CLASP1: variants seen among roughly 807,000 people sequenced by gnomAD.
The protein encoded by CLASP1 is cytoplasmic linker associated protein 1.
A neutral mutation model predicts 192.3 loss-of-function variants in CLASP1; 38 were observed. The ratio of observed to expected loss-of-function variants is 0.20; its 90% CI spans 0.15 to 0.26. CLASP1 has a LOEUF of 0.26. Among genes scored for constraint, CLASP1 ranks in the 10% least tolerant of loss-of-function variants. CLASP1 has a pLI of 1.00. For synonymous variants in CLASP1, 691 were observed against 712.8 expected (o/e 0.97, Z 0.49); for missense variants, 1,433 against 1,932.5 (o/e 0.74, Z 4.85).
exon 17 of CLASP1, chr2:121,449,063 G>A (rs776808017): frequency 6.2e-7 from 1 of 1,613,954 alleles, no homozygotes; most frequent in Non-Finnish European, 8.5e-7. Flanking sequence ...AGGACTCCAA[G>A]GTGTGGTACA....
intron 14 of CLASP1, among the ~76,000 whole-genome samples, chr2:121,455,071 G>T (rs777027849): frequency 2.0e-5 from 3 of 152,110 alleles, no homozygotes; most frequent in Non-Finnish European, 4.4e-5. Context: ...CTCATCTCTA[G>T]GGGAAGCTAA....
rs544562324 is a variant in CLASP1 at position 121,425,072 on chromosome 2, C to A, written c.2212+67G>T. 68 of 1,426,380 alleles carry A rather than the reference C, an allele frequency of 4.8e-5. 1 individual carries two copies. In the African/African-American group the frequency reaches 9.2e-4, roughly 19 times the overall value. 88.4% of individuals were successfully genotyped at this position (1,426,380 alleles called of 1,614,324 possible). A position where few individuals can be genotyped will look rare whatever the true frequency, so the allele number is the denominator to read the frequency against. On this transcript the variant is annotated intron_variant, in intron 22 of 39. Coordinates refer to ENST00000263710, the Ensembl canonical transcript of CLASP1. ...CTATATTTCCTACATTAGACATAGTCATTAGATTATAATCAAAACTATGAC... is the reference window on the plus strand; with the variant it reads ...CTATATTTCCTACATTAGACATAGTAATTAGATTATAATCAAAACTATGAC...
chr2:121,497,054 A>C (rs527712268), intron 8 of CLASP1, among the ~76,000 whole-genome samples: 2 of 152,114 alleles, frequency 1.3e-5, no homozygotes, highest in Admixed American at 6.5e-5. Flanking sequence ...TTAGACTGGT[A>C]GTTACCAAAG....
At chr2:121,514,875 T>A (rs1231137583) in intron 7 of CLASP1, among the ~76,000 whole-genome samples, 1 of 152,332 alleles carries the variant, frequency 6.6e-6, no homozygotes, top group Non-Finnish European at 1.5e-5. Flanking sequence ...TCTCTCTTAG[T>A]AGCTGTGTAA....
At chr2:121,444,582 T>C (rs1482927039) in intron 19 of CLASP1, among the ~76,000 whole-genome samples, 1 of 152,080 alleles carries the variant, frequency 6.6e-6, no homozygotes, top group Non-Finnish European at 1.5e-5. Context: ...AAACAAAAGC[T>C]AAGGTAGTGC....
chr2:121,394,608 G>A (rs564307090), intron 30 of CLASP1, among the ~76,000 whole-genome samples: 11 of 152,292 alleles, frequency 7.2e-5, no homozygotes, highest in Non-Finnish European at 1.2e-4. Flanking sequence ...TTGGCTGGGC[G>A]CAGTGGCTCA....
At position 121,425,365 on chromosome 2, in the gene CLASP1, T is replaced by C; in HGVS notation, c.2045-59A>G. The C allele has an allele frequency of 2.0e-6, 3 of 1,467,138 alleles. No individual in the cohort carries two copies. The South Asian group carries it at 3.9e-5, about 19-fold the overall frequency. 90.9% of individuals were successfully genotyped at this position (1,467,138 alleles called of 1,614,324 possible). ...ATGTAAATGTAGGAATGAACTATAATACTTTCAAAAGCCAGATTTTACACA... is the reference window on the plus strand; with the variant it reads ...ATGTAAATGTAGGAATGAACTATAACACTTTCAAAAGCCAGATTTTACACA... On this transcript the variant is annotated intron_variant, in intron 21 of 39. Coordinates refer to ENST00000263710, the Ensembl canonical transcript of CLASP1.
At chr2:121,514,449 T>C (rs781179004) in intron 7 of CLASP1, among the ~76,000 whole-genome samples, 1 of 151,960 alleles carries the variant, frequency 6.6e-6, no homozygotes, top group Non-Finnish European at 1.5e-5. Flanking sequence ...TTTCCTCCTG[T>C]GTTCTCACCA....
chr2:121,440,055 C>T (rs551815869), intron 19 of CLASP1, among the ~76,000 whole-genome samples: 2 of 139,960 alleles, frequency 1.4e-5, no homozygotes, highest in African/African-American at 2.7e-5. Flanking sequence ...GCACAATGTG[C>T]ACATGTACCC....
At chr2:121,516,134 T>A (rs1207120795) in intron 6 of CLASP1, among the ~76,000 whole-genome samples, 1 of 152,208 alleles carries the variant, frequency 6.6e-6, no homozygotes, top group Non-Finnish European at 1.5e-5. Context: ...TAAAACACTC[T>A]GGATTTAAGT....
chr2:121,509,497 T>C (rs1480660068), intron 7 of CLASP1, among the ~76,000 whole-genome samples: 1 of 152,134 alleles, frequency 6.6e-6, no homozygotes, highest in African/African-American at 2.4e-5. Context: ...CAAGTGTACA[T>C]GGAACATTAT....
intron 33 of CLASP1, among the ~76,000 whole-genome samples, chr2:121,379,664 G>C (rs1464445394): frequency 6.6e-6 from 1 of 152,084 alleles, no homozygotes; most frequent in Admixed American, 6.5e-5. Context: ...CCAAAAAACT[G>C]AAAGAATGAT....
chr2:121,418,553 C>A, intron 23 of CLASP1, 69 bp downstream of exon 23: 1 of 1,074,616 alleles, frequency 9.3e-7, no homozygotes. Context: ...GGTCATTCCG[C>A]CTAGCAGTGT....
intron 2 of CLASP1, among the ~76,000 whole-genome samples, chr2:121,551,319 C>G (rs986704805): frequency 2.0e-5 from 3 of 152,176 alleles, no homozygotes; most frequent in Non-Finnish European, 4.4e-5. Context: ...CTTACCACTC[C>G]TATTCAACAT....
intron 8 of CLASP1, among the ~76,000 whole-genome samples, chr2:121,474,481 A>C (rs567336142): frequency 6.6e-6 from 1 of 152,332 alleles, no homozygotes; most frequent in East Asian, 1.9e-4. Flanking sequence ...TCACGCCTGT[A>C]ATCCCAGCAC....
intron 3 of CLASP1, among the ~76,000 whole-genome samples, chr2:121,529,703 TTACTA>T (rs2094702728): frequency 6.6e-6 from 1 of 152,168 alleles, no homozygotes; most frequent in Non-Finnish European, 1.5e-5. Flanking sequence ...GAGTGAACAT[TTACTA>T]TACATTTGTA....
chr2:121,496,934 G>A (rs2093558429), intron 8 of CLASP1, among the ~76,000 whole-genome samples: 1 of 152,148 alleles, frequency 6.6e-6, no homozygotes, highest in Admixed American at 6.5e-5. Context: ...AACATGGATG[G>A]AACTAGAGGC....
intron 1 of CLASP1, among the ~76,000 whole-genome samples, chr2:121,640,642 G>A (rs1289188339): frequency 6.6e-6 from 1 of 151,718 alleles, no homozygotes; most frequent in East Asian, 1.9e-4. Flanking sequence ...TTTCCCCAAG[G>A]CAGCCCACTG....
chr2:121,620,716 T>C (rs974581670), intron 1 of CLASP1, among the ~76,000 whole-genome samples: 2 of 152,196 alleles, frequency 1.3e-5, no homozygotes, highest in Non-Finnish European at 2.9e-5. Context: ...ATCAAATCCT[T>C]TGCTCATTTG....
Sources: allele counts gnomAD v4.1 joint callset (sites outside exome capture counted in the v4.1 genomes callset), GRCh38; gene constraint gnomAD v4.1.1; transcripts MANE v1.5; gene names NCBI Gene and HGNC (gene_info 2026-07-23, HGNC 2026-07-21).